Variants in BTC observed in about 807,000 individuals in gnomAD.
BTC encodes betacellulin, also known as probetacellulin.
Under a neutral mutation model 18.1 loss-of-function variants are expected in BTC, and 13 were observed. That is an observed-to-expected ratio of 0.72 (90% CI 0.47 to 1.14). The LOEUF (loss-of-function observed/expected upper bound fraction) is 1.14. Among genes scored for constraint, BTC ranks in the 50% most tolerant of loss-of-function variants. BTC has a pLI of 0.00. For synonymous variants in BTC, 83 were observed against 79.4 expected (o/e 1.05, Z -0.24); for missense variants, 247 against 224.2 (o/e 1.10, Z -0.65).
chr4:74,757,164 A>G (rs1724624058), intron 2 of BTC, among the ~76,000 whole-genome samples: 1 of 152,178 alleles, frequency 6.6e-6, no homozygotes, highest in Admixed American at 6.5e-5. Context: ...CTGGCATCCC[A>G]ATGACATTGA....
intron 1 of BTC, among the ~76,000 whole-genome samples, chr4:74,778,356 A>G (rs964092554): frequency 7.2e-5 from 11 of 152,194 alleles, no homozygotes; most frequent in Non-Finnish European, 1.2e-4. Context: ...GGTTTCCTAG[A>G]AAGCAGAACC....
intron 1 of BTC, among the ~76,000 whole-genome samples, chr4:74,788,514 A>G (rs28647657): frequency 0.18 from 27,047 of 152,178 alleles, 3,969 homozygotes; most frequent in African/African-American, 0.41. Context: ...TTCTATGTAA[A>G]TCTTTCTAGA....
At chr4:74,789,853 T>C (rs552651838) in intron 1 of BTC, among the ~76,000 whole-genome samples, 5 of 152,336 alleles carry the variant, frequency 3.3e-5, no homozygotes, top group African/African-American at 1.2e-4. Flanking sequence ...CTTCTAAATA[T>C]TTTATTTTAC....
intron 1 of BTC, among the ~76,000 whole-genome samples, chr4:74,782,300 A>G (rs928308066): frequency 2.6e-5 from 4 of 152,036 alleles, no homozygotes; most frequent in African/African-American, 7.2e-5. Context: ...GTTACCCACT[A>G]TGTGTCCATG....
intron 1 of BTC, among the ~76,000 whole-genome samples, chr4:74,781,508 C>T (rs1236033482): frequency 6.6e-6 from 1 of 151,832 alleles, no homozygotes; most frequent in Non-Finnish European, 1.5e-5. Context: ...CTTCTTTAGC[C>T]TCATCCTCCT....
At chr4:74,764,327 C>T (rs574475703) in intron 2 of BTC, among the ~76,000 whole-genome samples, 22 of 152,294 alleles carry the variant, frequency 1.4e-4, no homozygotes, top group Non-Finnish European at 2.6e-4. Flanking sequence ...ACGCTAAGAC[C>T]AGGCAGGCTG....
intron 1 of BTC, among the ~76,000 whole-genome samples, chr4:74,791,819 C>T (rs1314068487): frequency 6.6e-6 from 1 of 152,088 alleles, no homozygotes; most frequent in African/African-American, 2.4e-5. Context: ...GAAAGGGCAT[C>T]ACCATCTAAT....
rs1266553525 is a variant in BTC, at chr4:74,794,346, G to A, written c.-21C>T. 1.3e-6 allele frequency: 2 copies of A among 1,538,510 alleles called. No homozygotes were observed. Among genetic ancestry groups the A allele is most frequent in the African/African-American group, 1.4e-5 (1 of 72,726 alleles). ...TCCATCAACCCCGCTCTGCCGGGCC[G>A]GGCAGCCCCTAGACAAGTCTCCCTC... On this transcript the variant is annotated 5_prime_UTR_variant, in exon 1 of 6. Transcript: ENST00000395743.
chr4:74,778,725 T>C (rs903726082), intron 1 of BTC, among the ~76,000 whole-genome samples: 2 of 152,138 alleles, frequency 1.3e-5, no homozygotes, highest in African/African-American at 4.8e-5. Context: ...TCTGACCCCT[T>C]GGTGACAGAG....
intron 1 of BTC, among the ~76,000 whole-genome samples, chr4:74,771,847 A>G (rs1203768935): frequency 6.6e-6 from 1 of 152,238 alleles, no homozygotes; most frequent in African/African-American, 2.4e-5. Context: ...GAAATAATTC[A>G]GGATAAATAA....
chr4:74,756,766 A>C (rs1231082593), intron 2 of BTC, among the ~76,000 whole-genome samples: 1 of 152,158 alleles, frequency 6.6e-6, no homozygotes, highest in Admixed American at 6.6e-5. Context: ...AAAATACTGA[A>C]AACTTCATGC....
At chr4:74,770,518 C>G (rs867861182) in intron 1 of BTC, among the ~76,000 whole-genome samples, 2 of 152,114 alleles carry the variant, frequency 1.3e-5, no homozygotes, top group South Asian at 2.1e-4. Context: ...TGAACCTGCA[C>G]GGCAAGCAAA....
chr4:74,769,001 T>G (rs1724971122), intron 2 of BTC, among the ~76,000 whole-genome samples: 1 of 152,158 alleles, frequency 6.6e-6, no homozygotes, highest in Non-Finnish European at 1.5e-5. Flanking sequence ...GAGCACCTTC[T>G]GACCACCCAC....
intron 1 of BTC, among the ~76,000 whole-genome samples, chr4:74,775,829 A>G (rs567382147): frequency 6.6e-6 from 1 of 152,328 alleles, no homozygotes; most frequent in Non-Finnish European, 1.5e-5. Flanking sequence ...GCCAGCTATC[A>G]AGTCTTCCTG....
intron 1 of BTC, among the ~76,000 whole-genome samples, chr4:74,786,967 A>ATTTTTT (rs3087017): frequency 2.5e-4 from 36 of 144,668 alleles, no homozygotes; most frequent in African/African-American, 8.3e-4. Flanking sequence ...AAGAAATACA[A>ATTTTTT]TTTTTTTTTT....
intron 1 of BTC, among the ~76,000 whole-genome samples, chr4:74,782,932 T>A (rs1226775349): frequency 6.6e-6 from 1 of 152,192 alleles, no homozygotes; most frequent in Admixed American, 6.5e-5. Flanking sequence ...CTTTGCCTGT[T>A]TTTTAATGGG....
intron 1 of BTC, among the ~76,000 whole-genome samples, chr4:74,778,695 T>C (rs1001836985): frequency 2.6e-5 from 4 of 152,126 alleles, no homozygotes; most frequent in South Asian, 4.1e-4. Context: ...TTCACCCCAC[T>C]GAGTATGAAC....
At chr4:74,785,944 T>C (rs1388407289) in intron 1 of BTC, among the ~76,000 whole-genome samples, 1 of 152,194 alleles carries the variant, frequency 6.6e-6, no homozygotes, top group Non-Finnish European at 1.5e-5. Flanking sequence ...CTTAGAACAG[T>C]GTCTGGCACA....
intron 1 of BTC, among the ~76,000 whole-genome samples, chr4:74,787,182 T>C (rs541385977): frequency 1.3e-5 from 2 of 152,172 alleles, no homozygotes; most frequent in Non-Finnish European, 2.9e-5. Flanking sequence ...TAGTAGTTCA[T>C]CCTGTTATGC....
Sources: allele counts gnomAD v4.1 joint callset (sites outside exome capture counted in the v4.1 genomes callset), GRCh38; gene constraint gnomAD v4.1.1; transcripts MANE v1.5; gene names NCBI Gene and HGNC (gene_info 2026-07-23, HGNC 2026-07-21).